NRXN3: variants seen among roughly 807,000 people sequenced by gnomAD.
The protein encoded by NRXN3 is neurexin III.
In NRXN3, 32 loss-of-function variants were observed where a neutral mutation model predicts 137.6. That is an observed-to-expected ratio of 0.23 (90% confidence interval 0.18 to 0.31). NRXN3 has a LOEUF of 0.31. Among genes scored for constraint, NRXN3 ranks in the 10% least tolerant of loss-of-function variants. The pLI is 1.00. For missense variants in NRXN3, 1,574 were observed against 2,062.5 expected (o/e 0.76, Z 4.59); for synonymous variants, 798 against 784.5 (o/e 1.02, Z -0.29).
At chr14:78,203,893 T>C (rs1350608989) in intron 1 of NRXN3, among the ~76,000 whole-genome samples, 1 of 151,710 alleles carries the variant, frequency 6.6e-6, no homozygotes, top group African/African-American at 2.4e-5. Context: ...CTGTATTAGA[T>C]TGTATACACT....
chr14:78,720,776 T>C (rs1351134693), intron 8 of NRXN3, among the ~76,000 whole-genome samples: 1 of 152,220 alleles, frequency 6.6e-6, no homozygotes, highest in Non-Finnish European at 1.5e-5. Flanking sequence ...AGTTAAATTA[T>C]TAAAATTTCT....
chr14:78,424,084 C>T (rs1457738123), intron 4 of NRXN3, among the ~76,000 whole-genome samples: 1 of 152,166 alleles, frequency 6.6e-6, no homozygotes. Context: ...ATGGGGCCTA[C>T]CTTGGCGGGT....
At chr14:79,666,874 A>G (rs1351670301) in intron 17 of NRXN3, among the ~76,000 whole-genome samples, 2 of 152,158 alleles carry the variant, frequency 1.3e-5, no homozygotes, top group South Asian at 4.1e-4. Context: ...GAAGCAGCTG[A>G]AAGAATAGTG....
intron 4 of NRXN3, among the ~76,000 whole-genome samples, chr14:78,618,606 A>G (rs1008338987): frequency 9.2e-5 from 14 of 152,156 alleles, no homozygotes; most frequent in African/African-American, 3.4e-4. Context: ...GGGCTGGAAA[A>G]CAGCTGAGAG....
intron 4 of NRXN3, among the ~76,000 whole-genome samples, chr14:78,346,411 T>A (rs1273535756): frequency 6.6e-6 from 1 of 152,132 alleles, no homozygotes; most frequent in Admixed American, 6.5e-5. Context: ...CTATTTCCAC[T>A]GGGGAAAAAT....
intron 15 of NRXN3, among the ~76,000 whole-genome samples, chr14:79,285,481 G>A (rs536375094): frequency 2.0e-5 from 3 of 152,310 alleles, no homozygotes; most frequent in African/African-American, 7.2e-5. Context: ...GTTTAAACAA[G>A]AGAAATTTGT....
chr14:79,190,619 C>T (rs540452329), intron 15 of NRXN3, among the ~76,000 whole-genome samples: 1 of 152,088 alleles, frequency 6.6e-6, no homozygotes, highest in African/African-American at 2.4e-5. Flanking sequence ...CTCGATATTC[C>T]GAGGTTATAT....
chr14:78,637,491 AT>A (rs2097577323), intron 4 of NRXN3, among the ~76,000 whole-genome samples: 1 of 152,182 alleles, frequency 6.6e-6, no homozygotes, highest in South Asian at 2.1e-4. Flanking sequence ...TAACACTTCT[AT>A]GGCTGGGAAC....
intron 15 of NRXN3, among the ~76,000 whole-genome samples, chr14:79,401,922 C>A (rs954255784): frequency 8.2e-5 from 12 of 147,112 alleles, no homozygotes; most frequent in African/African-American, 3.0e-4. Context: ...CTTTCTTTTT[C>A]TCATTTTATT....
intron 4 of NRXN3, among the ~76,000 whole-genome samples, chr14:78,430,930 G>A (rs978549227): frequency 8.6e-5 from 13 of 151,984 alleles, no homozygotes; most frequent in African/African-American, 3.1e-4. Context: ...ATCCTAGAGA[G>A]TTCTGGGAAT....
chr14:78,322,527 C>T (rs1384256827), intron 4 of NRXN3, among the ~76,000 whole-genome samples: 1 of 152,018 alleles, frequency 6.6e-6, no homozygotes, highest in East Asian at 1.9e-4. Flanking sequence ...TTCTGTGGGG[C>T]TGCAGACAAA....
rs934225882 is a variant in NRXN3 at position 79,425,584 on chromosome 14, C to T, written c.3263-41637C>T. 8.5e-5 allele frequency among the ~76,000 whole-genome samples: 13 copies of T among 152,232 alleles called. No homozygotes were observed. The South Asian group carries it at 1.9e-3, about 22-fold the overall frequency. On this transcript the variant is annotated intron_variant, in intron 15 of 20. Transcript: ENST00000335750. Reference sequence around the variant, plus strand: ...AATTTTCAATAATCCTATGAATTAGCAATTATTATCCTCATTTTTACAAAT... The same window carrying T: ...AATTTTCAATAATCCTATGAATTAGTAATTATTATCCTCATTTTTACAAAT...
chr14:79,478,932 C>T (rs2096583034), intron 16 of NRXN3, among the ~76,000 whole-genome samples: 1 of 152,172 alleles, frequency 6.6e-6, no homozygotes, highest in South Asian at 2.1e-4. Flanking sequence ...TCTTGTTCAT[C>T]TCTCAGCTCT....
chr14:79,626,732 A>C (rs2098285591), intron 16 of NRXN3, among the ~76,000 whole-genome samples: 1 of 152,156 alleles, frequency 6.6e-6, no homozygotes, highest in Non-Finnish European at 1.5e-5. Context: ...ACTTGCCTTG[A>C]GGGTTTACAA....
chr14:79,806,938 T>TTA (rs1296037210), intron 20 of NRXN3, among the ~76,000 whole-genome samples: 2,984 of 58,010 alleles, frequency 0.051, 161 homozygotes, highest in African/African-American at 0.068. Context: ...GGCTTTAATT[T>TTA]TATATATATA....
intron 15 of NRXN3, among the ~76,000 whole-genome samples, chr14:79,462,460 A>C (rs1273804748): frequency 2.6e-5 from 4 of 151,618 alleles, no homozygotes; most frequent in Non-Finnish European, 4.4e-5. Context: ...CCATTTTAAC[A>C]TCAATAGAAT....
At chr14:79,200,511 G>A (rs1403273383) in intron 15 of NRXN3, among the ~76,000 whole-genome samples, 3 of 152,268 alleles carry the variant, frequency 2.0e-5, no homozygotes, top group Non-Finnish European at 2.9e-5. Context: ...TGGAGATGAA[G>A]ATGGAAGGAA....
chr14:79,762,573 G>A (rs7143192), intron 19 of NRXN3, among the ~76,000 whole-genome samples: 80,167 of 150,956 alleles, frequency 0.53, 22,323 homozygotes, highest in Middle Eastern at 0.65. Context: ...TATGTCCATC[G>A]CTTATTAACT....
chr14:79,808,240 T>TAAAAAAAAAAA (rs35474581), intron 20 of NRXN3, among the ~76,000 whole-genome samples: 1 of 124,230 alleles, frequency 8.0e-6, no homozygotes, highest in African/African-American at 3.1e-5. Context: ...CTCTCTCAAT[T>TAAAAAAAAAAA]AAAAAAAAAA....
Sources: allele counts gnomAD v4.1 joint callset (sites outside exome capture counted in the v4.1 genomes callset), GRCh38; gene constraint gnomAD v4.1.1; transcripts MANE v1.5; gene names NCBI Gene and HGNC (gene_info 2026-07-23, HGNC 2026-07-21).